BCAR3: variants seen among roughly 807,000 people sequenced by gnomAD.
BCAR3 encodes the protein breast cancer anti-estrogen resistance protein 3.
In BCAR3, 37 loss-of-function variants were observed where a neutral mutation model predicts 80.1. That is an observed-to-expected ratio of 0.46 (90% CI 0.36 to 0.61). BCAR3 has a LOEUF of 0.61. BCAR3 is among the 20% of genes least tolerant of loss of function. BCAR3 has a pLI of 0.00. For synonymous variants in BCAR3, 389 were observed against 418.9 expected (o/e 0.93, Z 0.87); for missense variants, 978 against 1,068.2 (o/e 0.92, Z 1.18).
chr1:93,783,198 C>A (rs534461128), intron 2 of BCAR3, among the ~76,000 whole-genome samples: 1 of 152,158 alleles, frequency 6.6e-6, no homozygotes, highest in Non-Finnish European at 1.5e-5. Flanking sequence ...TCCATATATA[C>A]CCTAAGCTAG....
At chr1:93,755,360 C>T (rs1410279542) in intron 2 of BCAR3, among the ~76,000 whole-genome samples, 3 of 152,208 alleles carry the variant, frequency 2.0e-5, no homozygotes, top group Admixed American at 2.0e-4. Context: ...CATTCACTCA[C>T]CACTCACTCA....
chr1:93,801,666 G>A (rs1323001868), intron 2 of BCAR3, among the ~76,000 whole-genome samples: 2 of 152,164 alleles, frequency 1.3e-5, no homozygotes, highest in Non-Finnish European at 2.9e-5. Flanking sequence ...TGTTTATGAA[G>A]ACAGTTTCTC....
rs968291036 is a variant in BCAR3 at position 93,566,600 on chromosome 1, G to A, written c.2299+679C>T. The stretch of plus-strand genomic sequence containing the variant: ...GATGTGTCTGATGCTAAGAGCAGGG[G>A]AGCTCACTTCCCAGTGTGACTGGGA... On this transcript the variant is annotated intron_variant, in intron 11 of 11. Coordinates refer to ENST00000260502, the MANE Select transcript of BCAR3 (RefSeq NM_003567.4). 4.6e-5 allele frequency among the ~76,000 whole-genome samples: 7 copies of A among 152,238 alleles called. No individual in the cohort carries two copies. The South Asian group carries it at 6.2e-4, about 14-fold the overall frequency.
chr1:93,764,047 G>A (rs1242833233), intron 2 of BCAR3, among the ~76,000 whole-genome samples: 1 of 152,078 alleles, frequency 6.6e-6, no homozygotes, highest in African/African-American at 2.4e-5. Flanking sequence ...AAGTGCTGTT[G>A]AAAGCCCACA....
At chr1:93,562,768 CAAAAAAA>C (rs35374992) in intron 11 of BCAR3, among the ~76,000 whole-genome samples, 40 of 76,898 alleles carry the variant, frequency 5.2e-4, no homozygotes, top group Non-Finnish European at 4.8e-4. Context: ...GACTCCATCT[CAAAAAAA>C]AAAAAAAAAA....
intron 3 of BCAR3, among the ~76,000 whole-genome samples, chr1:93,639,200 T>C (rs236270): frequency 0.087 from 13,278 of 152,174 alleles, 831 homozygotes; most frequent in African/African-American, 0.17. Context: ...CCCTTTCACC[T>C]GGCATGAATG....
At position 93,845,494 on chromosome 1, in the gene BCAR3, A is replaced by C. The variant is rs2893259; in HGVS notation, c.-63+73T>G. The C allele has an allele frequency of 8.3e-3, 104 of 12,504 alleles. 1 individual carries two copies. The highest frequency in any genetic ancestry group is 0.041 in the East Asian group (3 of 74). The allele number at this position is 12,504 out of a possible 1,614,324, so 0.8% of individuals were successfully genotyped here. A position where few individuals can be genotyped will look rare whatever the true frequency, so the allele number is the denominator to read the frequency against. On this transcript the variant is annotated intron_variant, in intron 2 of 13. Coordinates refer to the BCAR3 transcript ENST00000370244. Reference sequence around the variant, plus strand: ...TATATATATATATATATATATATATATATATATAAAACTTTGTTTACATTA... The same window carrying C: ...TATATATATATATATATATATATATCTATATATAAAACTTTGTTTACATTA...
chr1:93,667,758 TGA>T (rs1415017869), intron 2 of BCAR3, among the ~76,000 whole-genome samples: 1 of 152,186 alleles, frequency 6.6e-6, no homozygotes, highest in Admixed American at 6.5e-5. Flanking sequence ...AGCCTCTTGG[TGA>T]CAGACTGGAT....
chr1:93,718,488 C>G (rs1022077396), intron 2 of BCAR3, among the ~76,000 whole-genome samples: 4 of 152,166 alleles, frequency 2.6e-5, no homozygotes, highest in Admixed American at 1.3e-4. Flanking sequence ...ACTACTGGCT[C>G]TGCCATATCC....
At chr1:93,569,286 T>C (rs1673107311) in intron 9 of BCAR3, among the ~76,000 whole-genome samples, 1 of 152,262 alleles carries the variant, frequency 6.6e-6, no homozygotes. Context: ...ATTAGGTAAC[T>C]GCCCAAGGCT....
At chr1:93,750,938 G>A (rs549635753) in intron 2 of BCAR3, among the ~76,000 whole-genome samples, 2 of 152,298 alleles carry the variant, frequency 1.3e-5, no homozygotes, top group Admixed American at 6.5e-5. Context: ...GAATCCATAA[G>A]CTTGATAAAA....
chr1:93,680,201 T>C (rs1050546852), intron 1 of BCAR3, among the ~76,000 whole-genome samples: 3 of 152,236 alleles, frequency 2.0e-5, no homozygotes, highest in African/African-American at 7.2e-5. Context: ...GTACAGGATT[T>C]ACCCGATAAG....
intron 2 of BCAR3, among the ~76,000 whole-genome samples, chr1:93,785,919 C>A (rs1303735689): frequency 8.7e-6 from 1 of 115,376 alleles, no homozygotes; most frequent in Non-Finnish European, 1.7e-5. Flanking sequence ...GCCGGCCGGG[C>A]GCGGTGGCTC....
chr1:93,569,772 A>G (rs1313813166), intron 9 of BCAR3, among the ~76,000 whole-genome samples: 1 of 152,192 alleles, frequency 6.6e-6, no homozygotes, highest in Non-Finnish European at 1.5e-5. Flanking sequence ...AGCCGCCTAC[A>G]AAGCATGGTA....
chr1:93,665,638 C>G (rs1245334989), intron 2 of BCAR3, among the ~76,000 whole-genome samples: 1 of 152,164 alleles, frequency 6.6e-6, no homozygotes, highest in Non-Finnish European at 1.5e-5. Context: ...AGACTCCTAA[C>G]TTTATACCTT....
At chr1:93,735,791 C>A (rs1294294070) in intron 2 of BCAR3, among the ~76,000 whole-genome samples, 1 of 152,208 alleles carries the variant, frequency 6.6e-6, no homozygotes, top group Non-Finnish European at 1.5e-5. Flanking sequence ...ATGGCCTGCG[C>A]CAGTAAATAA....
chr1:93,569,392 C>G (rs569880294), intron 9 of BCAR3, among the ~76,000 whole-genome samples: 2 of 152,224 alleles, frequency 1.3e-5, no homozygotes, highest in African/African-American at 4.8e-5. Context: ...CACCAGCAGA[C>G]GTGCTGTGAA....
At chr1:93,570,882 T>C (rs1673184389) in intron 9 of BCAR3, among the ~76,000 whole-genome samples, 1 of 152,222 alleles carries the variant, frequency 6.6e-6, no homozygotes, top group African/African-American at 2.4e-5. Flanking sequence ...AAGCATGGAC[T>C]GTCAGCAAAT....
chr1:93,644,595 G>A (rs556999990), intron 2 of BCAR3, among the ~76,000 whole-genome samples: 1 of 152,356 alleles, frequency 6.6e-6, no homozygotes, highest in East Asian at 1.9e-4. Context: ...CCTGAGGGCT[G>A]TGTCACAGGC....
Sources: allele counts gnomAD v4.1 joint callset (sites outside exome capture counted in the v4.1 genomes callset), GRCh38; gene constraint gnomAD v4.1.1; transcripts MANE v1.5; gene names NCBI Gene and HGNC (gene_info 2026-07-23, HGNC 2026-07-21).